Variants in CHCHD3 observed in about 807,000 individuals in gnomAD.
The protein encoded by CHCHD3 is MICOS complex subunit MIC19.
In CHCHD3, 20 loss-of-function variants were observed where a neutral mutation model predicts 38.2. That is an observed-to-expected ratio of 0.52 (90% CI 0.37 to 0.76). The LOEUF (loss-of-function observed/expected upper bound fraction) is 0.76. Among genes scored for constraint, CHCHD3 ranks in the 30% least tolerant of loss-of-function variants. The probability of loss-of-function intolerance (pLI) is 0.00; values close to 1 mark genes in which losing one functional copy is unlikely to be tolerated. For synonymous variants in CHCHD3, 82 were observed against 100.0 expected (o/e 0.82, Z 1.07); for missense variants, 245 against 279.2 (o/e 0.88, Z 0.87).
intron 5 of CHCHD3, among the ~76,000 whole-genome samples, chr7:132,861,517 T>A (rs981268543): frequency 2.6e-5 from 4 of 152,222 alleles, no homozygotes; most frequent in African/African-American, 9.6e-5. Context: ...CCCCAGCCCA[T>A]GTCTTGGAAC....
At chr7:133,049,169 A>G (rs1814075791) in intron 2 of CHCHD3, among the ~76,000 whole-genome samples, 1 of 152,226 alleles carries the variant, frequency 6.6e-6, no homozygotes, top group Non-Finnish European at 1.5e-5. Context: ...CTTCTGAAAC[A>G]CATGACGATA....
chr7:132,914,274 C>T (rs1275733610), intron 4 of CHCHD3, among the ~76,000 whole-genome samples: 3 of 152,022 alleles, frequency 2.0e-5, no homozygotes, highest in African/African-American at 4.8e-5. Context: ...AGGCATGAGC[C>T]GACACACCCG....
intron 4 of CHCHD3, among the ~76,000 whole-genome samples, chr7:132,923,492 G>A (rs902803163): frequency 6.6e-6 from 1 of 152,006 alleles, no homozygotes; most frequent in Non-Finnish European, 1.5e-5. Context: ...CAGACTTTTG[G>A]GACGTACAAC....
rs567290512 is a variant in CHCHD3, at chr7:132,859,726, C to G, written c.454-21257G>C. On this transcript the variant is annotated intron_variant, in intron 5 of 7. Coordinates refer to ENST00000262570, the MANE Select transcript of CHCHD3 (RefSeq NM_017812.4). The stretch of plus-strand genomic sequence containing the variant: ...CTTCAGTCCCTGTGGAGGAATTCCA[C>G]TGGACTCTTGTCTTCCCTTAAGAAG... Among the ~76,000 whole-genome samples, 3 of 152,316 alleles carry G rather than the reference C, an allele frequency of 2.0e-5. No individual in the cohort carries two copies. The South Asian group carries it at 6.2e-4, about 32-fold the overall frequency.
intron 4 of CHCHD3, among the ~76,000 whole-genome samples, chr7:132,941,602 A>G (rs75938648): frequency 2.0e-5 from 3 of 152,150 alleles, no homozygotes; most frequent in Non-Finnish European, 4.4e-5. Context: ...TGGGTTCCTT[A>G]TATTACTGGC....
intron 5 of CHCHD3, among the ~76,000 whole-genome samples, chr7:132,840,689 T>C (rs540742995): frequency 3.3e-5 from 5 of 152,322 alleles, no homozygotes; most frequent in Admixed American, 1.3e-4. Flanking sequence ...AACATCTCAA[T>C]AAAATAATTT....
At chr7:132,941,073 A>G (rs1810754931) in intron 4 of CHCHD3, among the ~76,000 whole-genome samples, 1 of 152,272 alleles carries the variant, frequency 6.6e-6, no homozygotes, top group South Asian at 2.1e-4. Flanking sequence ...TTCTTACACA[A>G]TTCTACCCAC....
At chr7:132,999,968 A>G (rs1344081102) in intron 3 of CHCHD3, among the ~76,000 whole-genome samples, 1 of 152,230 alleles carries the variant, frequency 6.6e-6, no homozygotes, top group Non-Finnish European at 1.5e-5. Context: ...TTACCATCAA[A>G]TATAGTATCA....
intron 5 of CHCHD3, among the ~76,000 whole-genome samples, chr7:132,865,662 A>G (rs1252271476): frequency 6.7e-6 from 1 of 149,532 alleles, no homozygotes; most frequent in Admixed American, 6.8e-5. Flanking sequence ...AACTTAAGAC[A>G]AAAGAAACTG....
At chr7:132,836,668 TCTCA>T (rs1807790119) in intron 6 of CHCHD3, among the ~76,000 whole-genome samples, 1 of 151,832 alleles carries the variant, frequency 6.6e-6, no homozygotes, top group Non-Finnish European at 1.5e-5. Flanking sequence ...AGATACAGGG[TCTCA>T]CTATGTTGAC....
At chr7:132,850,450 GTTT>G (rs75016148) in intron 5 of CHCHD3, among the ~76,000 whole-genome samples, 71,279 of 132,924 alleles carry the variant, frequency 0.54, 17,231 homozygotes, top group South Asian at 0.6. Context: ...TTTTTTTTTT[GTTT>G]TTTTTTTTTT....
At chr7:133,075,907 A>G (rs1301995477) in intron 1 of CHCHD3, among the ~76,000 whole-genome samples, 1 of 151,956 alleles carries the variant, frequency 6.6e-6, no homozygotes, top group Non-Finnish European at 1.5e-5. Context: ...AAAATATAAA[A>G]AATTAGCCAG....
intron 4 of CHCHD3, among the ~76,000 whole-genome samples, chr7:132,916,038 G>C (rs1810097979): frequency 1.3e-5 from 2 of 151,758 alleles, no homozygotes; most frequent in South Asian, 4.2e-4. Flanking sequence ...TGATGGTTCA[G>C]CAAACGACTA....
At chr7:132,959,192 A>T (rs1426533908) in intron 4 of CHCHD3, among the ~76,000 whole-genome samples, 1 of 152,192 alleles carries the variant, frequency 6.6e-6, no homozygotes, top group Non-Finnish European at 1.5e-5. Context: ...TAACTCCCAA[A>T]TGAGCTCTAA....
intron 6 of CHCHD3, among the ~76,000 whole-genome samples, chr7:132,832,014 C>T (rs1329356897): frequency 1.3e-5 from 2 of 151,888 alleles, no homozygotes; most frequent in Non-Finnish European, 2.9e-5. Context: ...TAAAATATTA[C>T]ATCCAAAAAA....
At chr7:132,901,726 G>A (rs975319755) in intron 4 of CHCHD3, among the ~76,000 whole-genome samples, 14 of 152,296 alleles carry the variant, frequency 9.2e-5, no homozygotes, top group African/African-American at 3.4e-4. Flanking sequence ...CCCTTTGTCA[G>A]ATAAGTAGAT....
chr7:133,032,059 T>C (rs924766354), intron 2 of CHCHD3, among the ~76,000 whole-genome samples: 2 of 152,150 alleles, frequency 1.3e-5, no homozygotes, highest in African/African-American at 4.8e-5. Flanking sequence ...CTTGTCCTGC[T>C]CCTTATCTTC....
intron 6 of CHCHD3, among the ~76,000 whole-genome samples, chr7:132,804,535 C>G (rs576078938): frequency 2.0e-5 from 3 of 152,054 alleles, no homozygotes; most frequent in Non-Finnish European, 4.4e-5. Flanking sequence ...TCTTCCCTGC[C>G]GTGATCAAAT....
rs180767117 is a variant in CHCHD3 at position 132,943,157 on chromosome 7, A to C, written c.369+32012T>G. Among the ~76,000 whole-genome samples, 16 of 152,310 alleles carry C rather than the reference A, an allele frequency of 1.1e-4. 1 individual carries two copies. The highest frequency in any genetic ancestry group is 3.3e-4 in the Admixed American group (5 of 15,288). ...ATTTCAATTTATACATACATTCCAG[A>C]TACTGCATAAAGGTATCTAAATGCA... On this transcript the variant is annotated intron_variant, in intron 4 of 7. Coordinates refer to ENST00000262570, the MANE Select transcript of CHCHD3 (RefSeq NM_017812.4).
Sources: gnomAD v4.1 joint callset for allele counts (sites outside exome capture counted in the v4.1 genomes callset) on GRCh38, gnomAD v4.1.1 for gene constraint, MANE v1.5 for transcripts, NCBI Gene and HGNC (gene_info 2026-07-23, HGNC 2026-07-21) for gene names.